The following TRPM3 variants were observed in gnomAD, a reference collection of about 807,000 sequenced individuals.
The protein encoded by TRPM3 is transient receptor potential cation channel subfamily M member 3, also known as long transient receptor potential channel 3.
Under a neutral mutation model 181.2 loss-of-function variants are expected in TRPM3, and 77 were observed. The ratio of observed to expected loss-of-function variants is 0.42; its 90% CI spans 0.35 to 0.51. The LOEUF is 0.51. TRPM3 is among the 20% of genes least tolerant of loss of function. TRPM3 has a pLI of 0.01. For synonymous variants in TRPM3, 745 were observed against 796.4 expected (o/e 0.94, Z 1.09); for missense variants, 1,759 against 2,196.7 (o/e 0.80, Z 3.98).
chr9:70,821,081 T>A (rs57886757), intron 6 of TRPM3, among the ~76,000 whole-genome samples: 34,927 of 152,132 alleles, frequency 0.23, 5,607 homozygotes, highest in African/African-American at 0.46. Context: ...TTAAGATAAA[T>A]TTCAGCATAC....
chr9:70,543,926 G>A (rs549526673), intron 25 of TRPM3, among the ~76,000 whole-genome samples: 3 of 152,278 alleles, frequency 2.0e-5, no homozygotes, highest in East Asian at 1.9e-4. Flanking sequence ...GATGTCAGAC[G>A]ATTGACGCAG....
At chr9:71,164,480 C>T (rs943310677) in intron 1 of TRPM3, among the ~76,000 whole-genome samples, 2 of 152,096 alleles carry the variant, frequency 1.3e-5, no homozygotes, top group African/African-American at 4.8e-5. Context: ...CCTGCTTGCG[C>T]TGTTGCTCCC....
chr9:71,200,331 GA>G (rs913957970), intron 1 of TRPM3, among the ~76,000 whole-genome samples: 1 of 151,524 alleles, frequency 6.6e-6, no homozygotes, highest in Admixed American at 6.6e-5. Flanking sequence ...GTGTGGTGCT[GA>G]AAAAAATGTA....
chr9:70,545,544 C>CTTTATTTTT (rs1331656200), intron 25 of TRPM3, among the ~76,000 whole-genome samples: 1 of 26,136 alleles, frequency 3.8e-5, no homozygotes, highest in Non-Finnish European at 7.3e-5. Flanking sequence ...TTTTAATTTT[C>CTTTATTTTT]TTTCTTTTTT....
At chr9:70,835,815 C>T (rs761421994) in intron 5 of TRPM3, among the ~76,000 whole-genome samples, 6 of 152,034 alleles carry the variant, frequency 3.9e-5, no homozygotes, top group Non-Finnish European at 7.4e-5. Context: ...TATAGAGAAG[C>T]AGTATTGGTC....
intron 9 of TRPM3, among the ~76,000 whole-genome samples, chr9:70,649,249 C>T (rs1172254339): frequency 6.7e-6 from 1 of 148,976 alleles, no homozygotes; most frequent in East Asian, 2.0e-4. Context: ...AGTGGAATGG[C>T]TCAATCTCAG....
At chr9:71,336,346 T>C (rs894048837) in intron 1 of TRPM3, among the ~76,000 whole-genome samples, 3 of 152,054 alleles carry the variant, frequency 2.0e-5, no homozygotes, top group African/African-American at 7.2e-5. Context: ...TGAACTCCCA[T>C]TCACAATTGC....
chr9:70,828,206 G>A lies in TRPM3; in HGVS notation c.802-188C>T, dbSNP rs540960917. On this transcript the variant is annotated intron_variant, in intron 5 of 25. Transcript: ENST00000677713. Reference sequence around the variant, plus strand: ...AGATTTATGGCAAAAGTTATTCAAAGCAAGACTGTGCTTAAATGAGTATTT... The same window carrying A: ...AGATTTATGGCAAAAGTTATTCAAAACAAGACTGTGCTTAAATGAGTATTT... Among the ~76,000 whole-genome samples the A allele has an allele frequency of 3.9e-5, 6 of 152,272 alleles. No homozygotes were observed. In the South Asian group the frequency reaches 8.3e-4, roughly 21 times the overall value.
chr9:71,362,734 A>G (rs540894550), intron 1 of TRPM3, among the ~76,000 whole-genome samples: 1 of 152,344 alleles, frequency 6.6e-6, no homozygotes, highest in Non-Finnish European at 1.5e-5. Context: ...TTCTTCTAAT[A>G]TAATGAATTA....
chr9:70,990,239 C>T (rs1235468727), intron 1 of TRPM3, among the ~76,000 whole-genome samples: 1 of 152,120 alleles, frequency 6.6e-6, no homozygotes, highest in African/African-American at 2.4e-5. Flanking sequence ...GCCCTCGTGT[C>T]AAAGAATGTT....
intron 6 of TRPM3, among the ~76,000 whole-genome samples, chr9:70,802,723 C>T (rs1406166602): frequency 2.6e-5 from 4 of 152,020 alleles, no homozygotes; most frequent in African/African-American, 4.8e-5. Flanking sequence ...TAAAACTAGC[C>T]GTTTGGGACT....
intron 1 of TRPM3, among the ~76,000 whole-genome samples, chr9:70,994,591 C>T (rs2097524990): frequency 6.6e-6 from 1 of 151,952 alleles, no homozygotes; most frequent in African/African-American, 2.4e-5. Flanking sequence ...GGGAAGTATA[C>T]ACATTGATAC....
intron 6 of TRPM3, among the ~76,000 whole-genome samples, chr9:70,804,939 C>A (rs991652849): frequency 6.6e-6 from 1 of 152,186 alleles, no homozygotes; most frequent in Admixed American, 6.5e-5. Flanking sequence ...TCCACCATGG[C>A]ATGCTGAACC....
At chr9:70,701,229 A>G (rs1279988605) in intron 8 of TRPM3, among the ~76,000 whole-genome samples, 1 of 152,224 alleles carries the variant, frequency 6.6e-6, no homozygotes, top group Non-Finnish European at 1.5e-5. Flanking sequence ...ATGAAAATCC[A>G]TTATTATCTT....
At chr9:71,063,273 T>G (rs2061531569) in intron 1 of TRPM3, among the ~76,000 whole-genome samples, 1 of 152,162 alleles carries the variant, frequency 6.6e-6, no homozygotes, top group East Asian at 1.9e-4. Flanking sequence ...CCTATGCAGG[T>G]GCTCCTTGAT....
Position 70,556,891 on chromosome 9 carries a change from A to G in TRPM3, c.3224-3581T>C, listed in dbSNP as rs538130745. ...TTACACAAGATAATGCATGCAAAGT[A>G]TGTAGTTCAGTATCTAGCACATAGC... On this transcript the variant is annotated intron_variant, in intron 22 of 25. Transcript: ENST00000677713. Among the ~76,000 whole-genome samples, 24 of 152,342 alleles carry G rather than the reference A, an allele frequency of 1.6e-4. 1 individual carries two copies. The highest frequency in any genetic ancestry group is 5.8e-4 in the African/African-American group (24 of 41,580).
chr9:70,790,815 C>A (rs1017667353), intron 6 of TRPM3, among the ~76,000 whole-genome samples: 2 of 152,010 alleles, frequency 1.3e-5, no homozygotes, highest in African/African-American at 4.8e-5. Context: ...GTGCTTCTTA[C>A]AATTAGGAAG....
chr9:70,776,538 G>C, intron 7 of TRPM3: 2 of 676,738 alleles, frequency 3.0e-6, no homozygotes, highest in South Asian at 1.6e-5. Context: ...TAAACTGAAT[G>C]CCCTTAAAAA....
At chr9:70,695,584 G>C (rs769727790) in intron 8 of TRPM3, among the ~76,000 whole-genome samples, 2 of 152,098 alleles carry the variant, frequency 1.3e-5, no homozygotes, top group Admixed American at 1.3e-4. Flanking sequence ...TGCTAATTAC[G>C]CCTTGCCTGG....
Sources: allele counts gnomAD v4.1 joint callset (sites outside exome capture counted in the v4.1 genomes callset), GRCh38; gene constraint gnomAD v4.1.1; transcripts MANE v1.5; gene names NCBI Gene and HGNC (gene_info 2026-07-23, HGNC 2026-07-21).